The following MSN variants were observed in gnomAD, a reference collection of about 807,000 sequenced individuals.
The protein encoded by MSN is epididymis luminal protein 70.
MSN carries 2 observed loss-of-function variants against 48.0 expected under a neutral mutation model. That is an observed-to-expected ratio of 0.04 (90% CI 0.02 to 0.13). The LOEUF is 0.13. Among genes scored for constraint, MSN ranks in the 10% least tolerant of loss-of-function variants. The pLI, the probability that MSN is intolerant of heterozygous loss-of-function variation, is 1.00. For synonymous variants in MSN, 146 were observed against 166.9 expected (o/e 0.87, Z 0.97); for missense variants, 267 against 470.1 (o/e 0.57, Z 3.99).
rs182975429 is a variant in MSN at position 65,677,627 on chromosome X, G to A, written c.12+9774G>A. On this transcript the variant is annotated intron_variant, in intron 1 of 12. Transcript: ENST00000360270. ...AGAAAAAATAGCCGGGCGTGTTGGC[G>A]GGAGCCTGTAATCCCAGCTACTTGG... 1.0e-4 allele frequency among the ~76,000 whole-genome samples: 11 copies of A among 110,185 alleles called. No homozygotes were observed. In the East Asian group the frequency reaches 2.0e-3, roughly 20 times the overall value.
intron 4 of MSN, among the ~76,000 whole-genome samples, chrX:65,730,139 T>C (rs1185737906): frequency 8.9e-6 from 1 of 112,429 alleles, no homozygotes; most frequent in East Asian, 2.8e-4. Context: ...TGACAGCTAG[T>C]GTACAGAGCT....
At chrX:65,632,219 T>A (rs966643409) in intron 1 of MSN, among the ~76,000 whole-genome samples, 1 of 111,814 alleles carries the variant, frequency 8.9e-6, no homozygotes, top group African/African-American at 3.3e-5. Context: ...ATTAATGCTG[T>A]TATCGTGGGA....
chrX:65,681,292 G>A (rs982488048), intron 1 of MSN, among the ~76,000 whole-genome samples: 1 of 111,836 alleles, frequency 8.9e-6, no homozygotes, highest in Non-Finnish European at 1.9e-5. Flanking sequence ...AGCCATCTGG[G>A]CTCCTAGGCT....
At chrX:65,731,304 G>T in intron 5 of MSN, 114 bp downstream of exon 5, 2 of 627,247 alleles carry the variant, frequency 3.2e-6, no homozygotes, top group Non-Finnish European at 5.0e-6. Context: ...GAGAAAGAGG[G>T]AACAGGGACG....
intron 4 of MSN, among the ~76,000 whole-genome samples, chrX:65,730,200 T>A (rs1157522755): frequency 8.9e-6 from 1 of 112,248 alleles, no homozygotes; most frequent in Non-Finnish European, 1.9e-5. Flanking sequence ...CTCATTATTT[T>A]TGTTTTTGTA....
intron 1 of MSN, among the ~76,000 whole-genome samples, chrX:65,596,176 G>C (rs980644791): frequency 1.8e-5 from 2 of 111,293 alleles, no homozygotes; most frequent in African/African-American, 6.5e-5. Context: ...GGAGCCCAAG[G>C]CTGGCTGTAG....
chrX:65,628,910 C>T (rs142468501), intron 1 of MSN, among the ~76,000 whole-genome samples: 1,429 of 108,795 alleles, frequency 0.013, 22 homozygotes, highest in African/African-American at 0.045. Flanking sequence ...GCTAAAAATA[C>T]AAAAAATTAG....
chrX:65,631,896 C>T (rs944826531), intron 1 of MSN, among the ~76,000 whole-genome samples: 2 of 111,451 alleles, frequency 1.8e-5, no homozygotes, highest in African/African-American at 6.5e-5. Context: ...AGGCTCGTTT[C>T]GGATTCCTGG....
intron 1 of MSN, among the ~76,000 whole-genome samples, chrX:65,632,291 T>C (rs1271930460): frequency 8.9e-6 from 1 of 111,785 alleles, no homozygotes; most frequent in African/African-American, 3.3e-5. Flanking sequence ...TACCCTTTAT[T>C]TGCTCTTCTG....
intron 6 of MSN, among the ~76,000 whole-genome samples, chrX:65,732,952 C>G (rs987872483): frequency 1.8e-5 from 2 of 111,118 alleles, no homozygotes; most frequent in Non-Finnish European, 3.8e-5. Flanking sequence ...CTCAGTGGCT[C>G]ACGCCTGTAA....
intron 1 of MSN, among the ~76,000 whole-genome samples, chrX:65,619,967 G>T (rs745404594): frequency 5.4e-4 from 60 of 111,089 alleles, no homozygotes; most frequent in African/African-American, 1.9e-3. Context: ...GTACCCGGCC[G>T]TGTGAGGTGT....
chrX:65,678,069 A>G (rs2071018859), intron 1 of MSN, among the ~76,000 whole-genome samples: 1 of 110,997 alleles, frequency 9.0e-6, no homozygotes, highest in African/African-American at 3.3e-5. Flanking sequence ...GAAACCGATG[A>G]CTAAAGGCTT....
chrX:65,612,479 C>G (rs1371430797), intron 1 of MSN, among the ~76,000 whole-genome samples: 1 of 111,283 alleles, frequency 9.0e-6, no homozygotes, highest in African/African-American at 3.3e-5. Context: ...ATTTTGGATA[C>G]TAACTCCTTA....
chrX:65,643,379 G>GGGAGGCTGGGCAAGGCAAGAGTGGGA (rs2070672093), intron 1 of MSN, among the ~76,000 whole-genome samples: 1 of 110,804 alleles, frequency 9.0e-6, no homozygotes, highest in Non-Finnish European at 1.9e-5. Context: ...TTTGTAGGCT[G>GGGAGGCTGGGCAAGGCAAGAGTGGGA]GGAGGCTGGG....
intron 11 of MSN, 99 bp downstream of exon 11, chrX:65,738,716 T>TGG (rs1349335507): frequency 8.7e-5 from 71 of 815,752 alleles, no homozygotes; most frequent in Admixed American, 1.2e-4. Flanking sequence ...CCTCCCTCTT[T>TGG]CATACTTCCC....
At chrX:65,724,766 ATCCTC>A (rs2071551451) in intron 2 of MSN, among the ~76,000 whole-genome samples, 1 of 111,297 alleles carries the variant, frequency 9.0e-6, no homozygotes, top group African/African-American at 3.3e-5. Context: ...AGCTCACTGC[ATCCTC>A]CACCTCCCAG....
At chrX:65,623,105 T>C (rs904508027) in intron 1 of MSN, among the ~76,000 whole-genome samples, 2 of 108,988 alleles carry the variant, frequency 1.8e-5, no homozygotes, top group African/African-American at 3.5e-5. Context: ...TGATAAATCC[T>C]ACATGATTAT....
chrX:65,689,952 T>C (rs2071157067), intron 1 of MSN, among the ~76,000 whole-genome samples: 1 of 111,578 alleles, frequency 9.0e-6, no homozygotes, highest in South Asian at 3.8e-4. Flanking sequence ...TAATGTTGAC[T>C]GTTAGAGCTG....
At chrX:65,650,496 C>T (rs918712668) in intron 1 of MSN, among the ~76,000 whole-genome samples, 1 of 112,334 alleles carries the variant, frequency 8.9e-6, no homozygotes, top group African/African-American at 3.2e-5. Flanking sequence ...TGGGCTCAGC[C>T]CCTTGGATGA....
Sources: gnomAD v4.1 joint callset for allele counts (sites outside exome capture counted in the v4.1 genomes callset) on GRCh38, gnomAD v4.1.1 for gene constraint, MANE v1.5 for transcripts, NCBI Gene and HGNC (gene_info 2026-07-23, HGNC 2026-07-21) for gene names.